Variants in ABCB8 observed in about 807,000 individuals in gnomAD.
ABCB8 encodes ATP binding cassette subfamily B member 8.
ABCB8 carries 52 observed loss-of-function variants against 73.0 expected under a neutral mutation model. The observed-to-expected ratio is 0.71, with a 90% CI of 0.57 to 0.90. ABCB8 has a LOEUF of 0.90. Ranked by LOEUF, ABCB8 falls within the 40% of genes least tolerant of loss-of-function variation. The probability of loss-of-function intolerance (pLI) is 0.00; values close to 1 mark genes in which losing one functional copy is unlikely to be tolerated. For missense variants in ABCB8, 909 were observed against 974.6 expected, an observed-to-expected ratio of 0.93 and a Z score of 0.90; for synonymous variants, 428 against 423.5, an observed-to-expected ratio of 1.01 and a Z score of -0.13.
chr7:151,033,888 C>G lies in ABCB8; in HGVS notation c.379C>G (p.His127Asp). Residue 127 changes from histidine to aspartate, a missense_variant, in exon 2 of 16, where the codon CAC (histidine) becomes GAC (aspartate). Transcript: ENST00000358849. ...GCTCTTCTGGCAGTTTCTGCACCCC[C>G]ACCTGCTGGTCCTGGGGGTAGCCGT... ...WKLFWQFLHP[H>D]LLVLGVAVVL... 2 of 1,607,826 alleles carry G rather than the reference C, an allele frequency of 1.2e-6. No individual in the cohort carries two copies. Among genetic ancestry groups the G allele is most frequent in the Non-Finnish European group, 1.7e-6 (2 of 1,176,016 alleles).
At chr7:151,032,208 C>A (rs1043107907) in intron 1 of ABCB8, among the ~76,000 whole-genome samples, 2 of 152,200 alleles carry the variant, frequency 1.3e-5, no homozygotes, top group African/African-American at 4.8e-5. Context: ...TCACAGGTTC[C>A]CCCTTACCTA....
chr7:151,040,179 C>G, intron 9 of ABCB8, 89 bp from the exon 10 acceptor site: 1 of 1,503,962 alleles, frequency 6.6e-7, no homozygotes, highest in Non-Finnish European at 9.0e-7. Flanking sequence ...CACCTGCTTC[C>G]TTGCTCCCCC....
intron 1 of ABCB8, chr7:151,031,446 A>G (rs1365921772): frequency 9.7e-7 from 1 of 1,032,000 alleles, no homozygotes; most frequent in African/African-American, 1.6e-5. Context: ...GACTGCAATT[A>G]GAAGGGTCTA....
chr7:151,031,251 C>G (rs777242212), intron 1 of ABCB8: 1 of 1,542,588 alleles, frequency 6.5e-7, no homozygotes, highest in African/African-American at 1.4e-5. Flanking sequence ...AAACACATGG[C>G]GTAATGGGAA....
chr7:151,042,072 A>C lies in ABCB8; in HGVS notation c.1729A>C (p.Ile577Leu). 2 of 1,613,154 alleles carry C rather than the reference A, an allele frequency of 1.2e-6. No homozygotes were observed. The highest frequency in any genetic ancestry group is 1.7e-6 in the Non-Finnish European group (2 of 1,179,944). Reference protein sequence around the residue: ...AAREANAHEFITSFPEGYNTV... With the variant: ...AAREANAHEFLTSFPEGYNTV... ...CCGGGAAGCGAATGCTCACGAGTTCATCACCAGCTTCCCCGAGGGCTACAA... is the reference window on the plus strand; with the variant it reads ...CCGGGAAGCGAATGCTCACGAGTTCCTCACCAGCTTCCCCGAGGGCTACAA... The change falls in exon 14 of 16, where the codon ATC becomes CTC. Residue 577 changes from isoleucine (I) to leucine (L), a missense_variant. Transcript: ENST00000358849.
intron 9 of ABCB8, chr7:151,037,419 G>T (rs1049468673): frequency 7.3e-6 from 5 of 683,140 alleles, no homozygotes; most frequent in African/African-American, 7.0e-5. Context: ...ATTGCTTTGC[G>T]TTGGTCCAAA....
intron 1 of ABCB8, 74 bp downstream of exon 1, chr7:151,028,684 G>A (rs1796043288): frequency 6.4e-7 from 1 of 1,572,930 alleles, no homozygotes; most frequent in African/African-American, 1.3e-5. Context: ...CCGGGAGATG[G>A]AGTCCACGAG....
intron 9 of ABCB8, 88 bp downstream of exon 9, chr7:151,036,737 C>T (rs1738713728): frequency 8.6e-7 from 1 of 1,159,722 alleles, no homozygotes; most frequent in African/African-American, 1.5e-5. Context: ...CCAGCCTTCT[C>T]TGGGGGCCGA....
rs763089723 is a variant in ABCB8, at chr7:151,045,219, A to G, written c.2027A>G (p.His676Arg). 3 of 1,585,728 alleles carry G rather than the reference A, an allele frequency of 1.9e-6. No individual in the cohort carries two copies. The highest frequency in any genetic ancestry group is 1.1e-5 in the South Asian group (1 of 88,088). The change falls in exon 16 of 16, where the codon CAT becomes CGT. Residue 676 changes from histidine (H) to arginine (R), a missense_variant. By Grantham distance (29) the His-to-Arg change is conservative (BLOSUM62 0). Transcript: ENST00000358849. ...CCTCCCATCTTCCAGGCTGGGACAC[A>G]TGAAGAGCTCCTGAAGAAAGGCGGG... ...ADGRVWEAGT[H>R]EELLKKGGLY...
chr7:151,041,604 C>T (rs1462250630), intron 13 of ABCB8, among the ~76,000 whole-genome samples: 1 of 152,212 alleles, frequency 6.6e-6, no homozygotes, highest in East Asian at 1.9e-4. Context: ...CGAGGGTCCA[C>T]CCTTCCCTTT....
rs181014455 is a variant in ABCB8 at position 151,046,709 on chromosome 7, G to A, written c.*1360G>A. ...GGATTTACCCTGTGTAAAGAAGGGT[G>A]GTACCCTCTTTCAGGGGTGTGATAC... On this transcript the variant is annotated 3_prime_UTR_variant, in exon 16 of 16. Transcript: ENST00000358849. 2.0e-5 allele frequency: 3 copies of A among 152,370 alleles called. No homozygotes were observed. In the East Asian group the frequency reaches 5.8e-4, roughly 29 times the overall value. The allele number at this position is 152,370 out of a possible 1,614,324, so 9.4% of individuals were successfully genotyped here. A position where few individuals can be genotyped will look rare whatever the true frequency, so the allele number is the denominator to read the frequency against.
intron 10 of ABCB8, 50 bp from the exon 11 acceptor site, chr7:151,040,448 T>C (rs558378668): frequency 9.5e-6 from 15 of 1,584,182 alleles, no homozygotes; most frequent in Non-Finnish European, 1.3e-5. Flanking sequence ...GGAGATGCTG[T>C]TGTCACCCCT....
chr7:151,044,321 C>G (rs1640356773), intron 15 of ABCB8, 100 bp downstream of exon 15: 17 of 1,523,942 alleles, frequency 1.1e-5, no homozygotes, highest in Non-Finnish European at 1.5e-5. Context: ...TGGCCTGGCC[C>G]CAGGGCCTTG....
Position 151,034,759 on chromosome 7 carries a change from G to A in ABCB8, c.695G>A (p.Gly232Glu). ...DITFFDANKT[G>E]QLVSRLTTDV... Reference sequence around the variant, plus strand: ...ACCTTCTTTGACGCCAATAAGACAGGGCAGCTGGTGAGCCGCTTGACAACT... The same window carrying A: ...ACCTTCTTTGACGCCAATAAGACAGAGCAGCTGGTGAGCCGCTTGACAACT... The change falls in exon 5 of 16, where the codon GGG (glycine) becomes GAG (glutamate). Residue 232 changes from glycine (G) to glutamate (E), a missense_variant. Gly to Glu is a moderately conservative substitution (Grantham distance 98). Coordinates refer to ENST00000358849, the MANE Select transcript of ABCB8 (RefSeq NM_007188.5). The A allele has an allele frequency of 6.2e-7, 1 of 1,614,076 alleles. No individual in the cohort carries two copies. The highest frequency in any genetic ancestry group is 8.5e-7 in the Non-Finnish European group (1 of 1,179,970).
In ABCB8 at chr7:151,040,298, G is replaced by A. The variant is rs373204515; in HGVS notation, c.1248G>A (p.Gly416=). Residue 416 remains glycine (G), a synonymous_variant, in exon 10 of 16, where the codon GGG becomes GGA. Transcript: ENST00000358849. ...RSMANLSVLF[G]QVVRGLSAGA... ...TGGCCAACCTCTCTGTCCTGTTTGGGCAGGTGAGTGGCCGGTAGGGTGGAG... is the reference window on the plus strand; with the variant it reads ...TGGCCAACCTCTCTGTCCTGTTTGGACAGGTGAGTGGCCGGTAGGGTGGAG... The A allele has an allele frequency of 1.2e-6, 2 of 1,613,030 alleles. No individual in the cohort carries two copies. Among genetic ancestry groups the A allele is most frequent in the Non-Finnish European group, 1.7e-6 (2 of 1,179,588 alleles).
At chr7:151,036,009 C>T (rs757943876) in intron 7 of ABCB8, 42 bp downstream of exon 7, 1 of 1,612,814 alleles carries the variant, frequency 6.2e-7, no homozygotes, top group Admixed American at 1.7e-5. Flanking sequence ...AGATGCCCCC[C>T]ACACCCTGCC....
In ABCB8 at chr7:151,040,958, C is replaced by G. The variant is rs529164090; in HGVS notation, c.1483+36C>G. Reference sequence around the variant, plus strand: ...CCCACCACCTCTTCACCCTCTGACTCTTCTCTAGCAGCCACTCAGAGCAAG... The same window carrying G: ...CCCACCACCTCTTCACCCTCTGACTGTTCTCTAGCAGCCACTCAGAGCAAG... On this transcript the variant is annotated intron_variant, in intron 12 of 15. Transcript: ENST00000358849. 3.1e-6 allele frequency: 5 copies of G among 1,599,160 alleles called. No individual in the cohort carries two copies. In the South Asian group the frequency reaches 5.6e-5, roughly 18 times the overall value.
At chr7:151,032,824 TTC>T (rs1294031595) in intron 1 of ABCB8, 11 of 333,440 alleles carry the variant, frequency 3.3e-5, no homozygotes, top group South Asian at 1.9e-4. Context: ...ATTCTTATTT[TTC>T]TCTGTTTCCT....
rs770694537 is a variant in ABCB8, at chr7:151,035,670, A to C, written c.855A>C (p.Thr285=). ...TCACGCTGCTGCTGATGGTGGCCACACCAGCCCTGATGGGAGTGGGCACCC... is the reference window on the plus strand; with the variant it reads ...TCACGCTGCTGCTGATGGTGGCCACCCCAGCCCTGATGGGAGTGGGCACCC... The part of the protein sequence containing the change: ...TRLTLLLMVA[T]PALMGVGTLM... Residue 285 remains threonine (T), a synonymous_variant, in exon 6 of 16, where the codon ACA becomes ACC. Transcript: ENST00000358849. 4.3e-6 allele frequency: 7 copies of C among 1,613,560 alleles called. No individual in the cohort carries two copies. The East Asian group carries it at 1.1e-4, about 26-fold the overall frequency.
Sources: allele counts gnomAD v4.1 joint callset (sites outside exome capture counted in the v4.1 genomes callset), GRCh38; gene constraint gnomAD v4.1.1; transcripts MANE v1.5; gene names NCBI Gene and HGNC (gene_info 2026-07-23, HGNC 2026-07-21).